The following DPP10 variants were observed in gnomAD, a reference collection of about 807,000 sequenced individuals.
The protein encoded by DPP10 is inactive dipeptidyl peptidase 10.
DPP10 carries 33 observed loss-of-function variants against 120.9 expected under a neutral mutation model. The observed-to-expected ratio is 0.27, with a 90% CI of 0.21 to 0.37. The LOEUF (loss-of-function observed/expected upper bound fraction) is 0.37, where lower values mean the gene tolerates loss of function less well. Ranked by LOEUF, DPP10 falls within the 10% of genes least tolerant of loss-of-function variation. The pLI, the probability that DPP10 is intolerant of heterozygous loss-of-function variation, is 1.00. For missense variants in DPP10, 816 were observed against 942.8 expected (o/e 0.87, Z 1.76); for synonymous variants, 337 against 326.1 (o/e 1.03, Z -0.36).
chr2:115,715,496 C>T (rs2092465243), intron 7 of DPP10, among the ~76,000 whole-genome samples: 1 of 152,138 alleles, frequency 6.6e-6, no homozygotes, highest in Non-Finnish European at 1.5e-5. Context: ...CCCTCAGATT[C>T]CAACAACACT....
intron 1 of DPP10, among the ~76,000 whole-genome samples, chr2:115,130,553 G>T (rs1041854062): frequency 4.3e-5 from 6 of 138,208 alleles, no homozygotes; most frequent in Non-Finnish European, 9.3e-5. Context: ...TTCATCTTCA[G>T]CTTTCTTTTT....
intron 1 of DPP10, among the ~76,000 whole-genome samples, chr2:114,846,271 A>G (rs975337716): frequency 1.3e-5 from 2 of 152,156 alleles, no homozygotes; most frequent in South Asian, 4.1e-4. Context: ...TTATATTGAA[A>G]AATCCAAATA....
At chr2:115,579,480 G>A (rs2149120791) in intron 5 of DPP10, 1 of 152,282 alleles carries the variant, frequency 6.6e-6, no homozygotes, top group Middle Eastern at 3.4e-3. Context: ...GCCTAATGGT[G>A]GAACCAAATG....
intron 1 of DPP10, among the ~76,000 whole-genome samples, chr2:114,550,643 TTC>T (rs1251929064): frequency 1.3e-5 from 2 of 152,220 alleles, no homozygotes; most frequent in Non-Finnish European, 2.9e-5. Flanking sequence ...CCTGAGCATA[TTC>T]TGTTTGTTTT....
intron 1 of DPP10, among the ~76,000 whole-genome samples, chr2:115,004,610 C>T (rs933627741): frequency 4.6e-5 from 7 of 152,156 alleles, no homozygotes; most frequent in African/African-American, 9.7e-5. Flanking sequence ...GGGTGATGGA[C>T]GGCACCTGGA....
chr2:115,803,875 A>G (rs1239777323), intron 19 of DPP10, among the ~76,000 whole-genome samples: 3 of 151,902 alleles, frequency 2.0e-5, no homozygotes, highest in African/African-American at 7.3e-5. Context: ...TTTTTCCTTC[A>G]TTTCAACTTT....
chr2:114,744,732 A>T (rs532866272), intron 1 of DPP10, among the ~76,000 whole-genome samples: 3 of 152,204 alleles, frequency 2.0e-5, no homozygotes, highest in Admixed American at 2.0e-4. Context: ...CAGAGATGAG[A>T]ACCTGTAACA....
intron 3 of DPP10, among the ~76,000 whole-genome samples, chr2:115,366,809 T>C (rs888213872): frequency 6.6e-6 from 1 of 152,082 alleles, no homozygotes; most frequent in African/African-American, 2.4e-5. Context: ...ATAATTGATA[T>C]TGTGTCTTTA....
intron 3 of DPP10, among the ~76,000 whole-genome samples, chr2:115,470,632 A>G (rs1203850803): frequency 6.6e-6 from 1 of 152,182 alleles, no homozygotes; most frequent in East Asian, 1.9e-4. Flanking sequence ...GTAACATTCC[A>G]TCACTGTTTG....
intron 2 of DPP10, among the ~76,000 whole-genome samples, chr2:115,329,005 C>G: frequency 6.6e-6 from 1 of 152,050 alleles, no homozygotes; most frequent in East Asian, 1.9e-4. Flanking sequence ...TTACAGTATG[C>G]TGGGCACTGC....
intron 1 of DPP10, among the ~76,000 whole-genome samples, chr2:114,485,545 C>G (rs1211731143): frequency 6.7e-6 from 1 of 149,832 alleles, no homozygotes; most frequent in Non-Finnish European, 1.5e-5. Flanking sequence ...ATGAGTCACT[C>G]CATTTTGGTT....
intron 1 of DPP10, among the ~76,000 whole-genome samples, chr2:115,063,204 T>C (rs1335611419): frequency 6.6e-6 from 1 of 152,210 alleles, no homozygotes; most frequent in African/African-American, 2.4e-5. Flanking sequence ...GAGAAGTGTC[T>C]GTTCATGTCC....
chr2:115,724,871 G>C (rs2092728739), intron 7 of DPP10, among the ~76,000 whole-genome samples: 1 of 152,176 alleles, frequency 6.6e-6, no homozygotes, highest in African/African-American at 2.4e-5. Flanking sequence ...CACATGGCTA[G>C]AGAAGCAGTA....
chr2:114,767,676 C>T (rs1346414967), intron 1 of DPP10, among the ~76,000 whole-genome samples: 1 of 152,108 alleles, frequency 6.6e-6, no homozygotes, highest in East Asian at 1.9e-4. Flanking sequence ...CCATACTCAC[C>T]CCGGTGAAAT....
chr2:115,100,296 G>C (rs1254636011), intron 1 of DPP10, among the ~76,000 whole-genome samples: 1 of 152,074 alleles, frequency 6.6e-6, no homozygotes, highest in Admixed American at 6.5e-5. Flanking sequence ...CACCCTTAAA[G>C]AAATTGGCCA....
intron 1 of DPP10, among the ~76,000 whole-genome samples, chr2:115,163,730 G>A (rs2052613489): frequency 6.6e-6 from 1 of 152,158 alleles, no homozygotes. Context: ...AGAAAGATTA[G>A]CCAGGTGAGA....
chr2:114,711,700 T>G (rs1191630907), intron 1 of DPP10, among the ~76,000 whole-genome samples: 1 of 152,200 alleles, frequency 6.6e-6, no homozygotes, highest in Admixed American at 6.5e-5. Context: ...TATTTTTTTT[T>G]TGTGATAGTT....
At chr2:115,355,363 C>T (rs559935017) in intron 3 of DPP10, among the ~76,000 whole-genome samples, 12 of 152,116 alleles carry the variant, frequency 7.9e-5, no homozygotes, top group East Asian at 7.7e-4. Flanking sequence ...TGTCTTCTTT[C>T]GAGAAGTGTC....
chr2:114,813,991 G>A (rs867528248), intron 1 of DPP10, among the ~76,000 whole-genome samples: 1 of 139,468 alleles, frequency 7.2e-6, no homozygotes. Flanking sequence ...CACACACCAC[G>A]AGCTGGCCAT....
Sources: allele counts gnomAD v4.1 joint callset (sites outside exome capture counted in the v4.1 genomes callset), GRCh38; gene constraint gnomAD v4.1.1; transcripts MANE v1.5; gene names NCBI Gene and HGNC (gene_info 2026-07-23, HGNC 2026-07-21).